TCF4: variants seen among roughly 807,000 people sequenced by gnomAD.
The protein encoded by TCF4 is SL3-3 enhancer factor 2.
TCF4 carries 3 observed loss-of-function variants against 82.1 expected under a neutral mutation model. The ratio of observed to expected loss-of-function variants is 0.04; its 90% CI spans 0.02 to 0.09. TCF4 has a LOEUF of 0.09. Among genes scored for constraint, TCF4 ranks in the 10% least tolerant of loss-of-function variants. The probability of loss-of-function intolerance (pLI) is 1.00; values close to 1 mark genes in which losing one functional copy is unlikely to be tolerated. For missense variants in TCF4, 518 were observed against 852.7 expected (o/e 0.61, Z 4.89); for synonymous variants, 276 against 309.6 (o/e 0.89, Z 1.14).
chr18:55,519,003 C>A (rs1393940701), intron 3 of TCF4: 1 of 152,128 alleles, frequency 6.6e-6, no homozygotes, highest in African/African-American at 2.4e-5. Context: ...CTGAATGTCA[C>A]TAGTCAATGC....
At chr18:55,259,138 C>T (rs117343735) in intron 13 of TCF4, among the ~76,000 whole-genome samples, 70 of 152,218 alleles carry the variant, frequency 4.6e-4, no homozygotes, top group Admixed American at 3.1e-3. Context: ...AAATAACAAA[C>T]GCAAGTAACT....
At chr18:55,454,140 G>A (rs1383095260) in intron 5 of TCF4, among the ~76,000 whole-genome samples, 2 of 152,134 alleles carry the variant, frequency 1.3e-5, no homozygotes, top group African/African-American at 4.8e-5. Flanking sequence ...TAGGATTACA[G>A]GCATGAGGCA....
chr18:55,257,775 T>C (rs1475688945), intron 13 of TCF4, among the ~76,000 whole-genome samples: 2 of 152,176 alleles, frequency 1.3e-5, no homozygotes, highest in Non-Finnish European at 2.9e-5. Context: ...ACCAAAATTC[T>C]CGCACCAGTG....
At chr18:55,248,069 AC>A (rs1434897531) in intron 15 of TCF4, among the ~76,000 whole-genome samples, 9 of 152,226 alleles carry the variant, frequency 5.9e-5, no homozygotes, top group Admixed American at 5.2e-4. Flanking sequence ...CATGGGAATA[AC>A]TGCTTAGAAA....
rs753449152 is a variant in TCF4, at chr18:55,585,187, T to C, written c.145+93A>G. 3.7e-5 allele frequency: 44 copies of C among 1,192,240 alleles called. 1 individual carries two copies. Among genetic ancestry groups the C allele is most frequent in the Non-Finnish European group, 4.6e-5 (37 of 797,252 alleles). 73.9% of individuals were successfully genotyped at this position (1,192,240 alleles called of 1,614,324 possible). On this transcript the variant is annotated intron_variant, in intron 3 of 19. Transcript: ENST00000354452. The stretch of plus-strand genomic sequence containing the variant: ...ATTACAGGCTAAAATTCAATGACTT[T>C]TTCAGAACTCTTCAACAGAGCCAAA...
chr18:55,255,374 C>T (rs1328977739), intron 14 of TCF4, among the ~76,000 whole-genome samples: 1 of 152,144 alleles, frequency 6.6e-6, no homozygotes, highest in African/African-American at 2.4e-5. Context: ...ATCACAAACA[C>T]TTGAATCAAC....
chr18:55,252,077 G>A (rs1425067385), intron 15 of TCF4, among the ~76,000 whole-genome samples: 1 of 151,900 alleles, frequency 6.6e-6, no homozygotes, highest in Non-Finnish European at 1.5e-5. Context: ...ATACCAGTTT[G>A]CACGGGAAAG....
chr18:55,600,929 A>G (rs1351455664), intron 2 of TCF4, among the ~76,000 whole-genome samples: 1 of 152,208 alleles, frequency 6.6e-6, no homozygotes. Flanking sequence ...GATTTAAAGT[A>G]TATGGGGGGA....
intron 5 of TCF4, among the ~76,000 whole-genome samples, chr18:55,451,565 A>G (rs1479773370): frequency 6.6e-6 from 1 of 152,220 alleles, no homozygotes; most frequent in Non-Finnish European, 1.5e-5. Flanking sequence ...AGAATATATA[A>G]TGTGAACAAA....
At chr18:55,316,028 T>C (rs889185779) in intron 8 of TCF4, among the ~76,000 whole-genome samples, 4 of 152,066 alleles carry the variant, frequency 2.6e-5, no homozygotes, top group African/African-American at 7.2e-5. Flanking sequence ...GCTAATAAAG[T>C]GCAATTAAAC....
intron 10 of TCF4, among the ~76,000 whole-genome samples, chr18:55,271,770 C>A (rs2060432840): frequency 6.6e-6 from 1 of 152,012 alleles, no homozygotes; most frequent in Non-Finnish European, 1.5e-5. Flanking sequence ...ATAGTGGGCC[C>A]ATTCCATAGT....
chr18:55,505,490 A>C (rs991955517), intron 3 of TCF4, among the ~76,000 whole-genome samples: 3 of 152,158 alleles, frequency 2.0e-5, no homozygotes, highest in Non-Finnish European at 4.4e-5. Context: ...CCGCCACTGT[A>C]CAGATAAGAA....
intron 6 of TCF4, among the ~76,000 whole-genome samples, chr18:55,395,910 A>C (rs932245956): frequency 4.6e-5 from 7 of 152,188 alleles, no homozygotes; most frequent in African/African-American, 1.7e-4. Flanking sequence ...GTTACTGAAT[A>C]GATTATTCAT....
intron 5 of TCF4, among the ~76,000 whole-genome samples, chr18:55,426,960 T>C (rs2147079369): frequency 6.6e-6 from 1 of 152,268 alleles, no homozygotes; most frequent in African/African-American, 2.4e-5. Context: ...AATACAGTCT[T>C]TTACTTTTAA....
intron 3 of TCF4, among the ~76,000 whole-genome samples, chr18:55,526,352 T>C (rs1331489513): frequency 3.9e-5 from 6 of 152,226 alleles, no homozygotes; most frequent in African/African-American, 1.4e-4. Context: ...TGGATATGTA[T>C]AGCCTTATCT....
At chr18:55,257,520 A>T (rs2057141378) in intron 13 of TCF4, 129 bp from the exon 14 acceptor site, 1 of 860,678 alleles carries the variant, frequency 1.2e-6, no homozygotes, top group Non-Finnish European at 1.9e-6. Context: ...ACGTAAATAC[A>T]TGTAAACTTC....
At chr18:55,427,017 A>C (rs1364270083) in intron 5 of TCF4, among the ~76,000 whole-genome samples, 1 of 152,192 alleles carries the variant, frequency 6.6e-6, no homozygotes, top group East Asian at 1.9e-4. Context: ...GTCATAGATG[A>C]AATAAAACAC....
intron 5 of TCF4, among the ~76,000 whole-genome samples, chr18:55,444,557 A>C (rs1486348222): frequency 6.6e-6 from 1 of 152,260 alleles, no homozygotes; most frequent in Non-Finnish European, 1.5e-5. Context: ...AATACTAGTT[A>C]GCTTCAGAGG....
At chr18:55,455,124 C>A (rs1374553567) in intron 5 of TCF4, among the ~76,000 whole-genome samples, 3 of 136,260 alleles carry the variant, frequency 2.2e-5, no homozygotes, top group African/African-American at 8.5e-5. Flanking sequence ...GAAGTTGAGG[C>A]TTCAGAGATC....
Sources: allele counts gnomAD v4.1 joint callset (sites outside exome capture counted in the v4.1 genomes callset), GRCh38; gene constraint gnomAD v4.1.1; transcripts MANE v1.5; gene names NCBI Gene and HGNC (gene_info 2026-07-23, HGNC 2026-07-21).